Variants in C2CD5 observed in about 807,000 individuals in gnomAD.
C2CD5 encodes C2 domain-containing protein 5.
Under a neutral mutation model 130.3 loss-of-function variants are expected in C2CD5, and 109 were observed. The observed-to-expected ratio is 0.84, with a 90% confidence interval of 0.72 to 0.98. The LOEUF is 0.98. Among genes scored for constraint, C2CD5 ranks in the 50% least tolerant of loss-of-function variants. C2CD5 has a pLI of 0.00. For synonymous variants in C2CD5, 454 were observed against 429.2 expected (o/e 1.06, Z -0.71); for missense variants, 996 against 1,261.8 (o/e 0.79, Z 3.19).
chr12:22,515,676 T>G (rs1199019907), intron 8 of C2CD5, among the ~76,000 whole-genome samples: 3 of 152,152 alleles, frequency 2.0e-5, no homozygotes, highest in Admixed American at 2.0e-4. Flanking sequence ...GTTGTCAGTA[T>G]TAATTTTAAT....
chr12:22,524,962 T>G (rs534256829), intron 5 of C2CD5, among the ~76,000 whole-genome samples: 7 of 111,994 alleles, frequency 6.3e-5, no homozygotes, highest in Admixed American at 1.5e-4. Flanking sequence ...AGCTAATTAT[T>G]ATATAAATAG....
chr12:22,468,884 C>T (rs1942535895), intron 22 of C2CD5, among the ~76,000 whole-genome samples: 1 of 151,882 alleles, frequency 6.6e-6, no homozygotes, highest in Admixed American at 6.6e-5. Context: ...TATCAAATAA[C>T]AAGTAGGAAT....
At chr12:22,543,722 G>C (rs758477388) in intron 2 of C2CD5, among the ~76,000 whole-genome samples, 3 of 152,070 alleles carry the variant, frequency 2.0e-5, no homozygotes, top group Non-Finnish European at 4.4e-5. Context: ...GTGTGTGTGT[G>C]TGTATGTGTG....
chr12:22,527,935 T>A, intron 3 of C2CD5, 43 bp from the exon 4 acceptor site: 1 of 1,275,096 alleles, frequency 7.8e-7, no homozygotes, highest in Non-Finnish European at 1.1e-6. Context: ...AGTTTTTAAA[T>A]CTTAATTACC....
chr12:22,485,365 A>G (rs1945342696), intron 12 of C2CD5, among the ~76,000 whole-genome samples: 2 of 152,062 alleles, frequency 1.3e-5, no homozygotes. Flanking sequence ...AAAAAAATAG[A>G]AAGAATGAAT....
At chr12:22,518,334 GA>G (rs1949959484) in intron 7 of C2CD5, among the ~76,000 whole-genome samples, 197 bp from the exon 8 acceptor site, 1 of 152,018 alleles carries the variant, frequency 6.6e-6, no homozygotes, top group Non-Finnish European at 1.5e-5. Context: ...TATCTGCATT[GA>G]AACAGTTAAT....
Position 22,448,972 on chromosome 12 carries a change from T to C in C2CD5, c.*788A>G, listed in dbSNP as rs950305524. ...TTAGGAAATAATTTTATGTTCCTAC[T>C]AAGTCAACTGCATTTTTACTACTTT... On this transcript the variant is annotated 3_prime_UTR_variant, in exon 27 of 27. Coordinates refer to ENST00000446597, the MANE Select transcript of C2CD5 (RefSeq NM_001286176.2). The C allele has an allele frequency of 1.3e-5, 2 of 152,480 alleles. No individual in the cohort carries two copies. The highest frequency in any genetic ancestry group is 4.8e-5 in the African/African-American group (2 of 41,470). The allele number at this position is 152,480 out of a possible 1,614,324, so 9.4% of individuals were successfully genotyped here.
intron 7 of C2CD5, among the ~76,000 whole-genome samples, chr12:22,519,823 A>T (rs1950107462): frequency 2.0e-5 from 3 of 152,152 alleles, no homozygotes; most frequent in Admixed American, 6.5e-5. Flanking sequence ...ATATTCCAGT[A>T]TTTCAATACA....
intron 22 of C2CD5, among the ~76,000 whole-genome samples, chr12:22,467,837 C>T (rs1332855511): frequency 1.3e-5 from 2 of 152,134 alleles, no homozygotes; most frequent in Non-Finnish European, 2.9e-5. Flanking sequence ...CGTATAGTAA[C>T]GATCACATAA....
chr12:22,531,464 T>C (rs552483613), intron 3 of C2CD5, among the ~76,000 whole-genome samples: 1 of 151,942 alleles, frequency 6.6e-6, no homozygotes, highest in African/African-American at 2.4e-5. Context: ...GAGTTGAGAG[T>C]GCGGAAATAA....
At chr12:22,457,464 G>T (rs1358606882) in intron 24 of C2CD5, among the ~76,000 whole-genome samples, 3 of 152,136 alleles carry the variant, frequency 2.0e-5, no homozygotes, top group Non-Finnish European at 2.9e-5. Context: ...AAAAGCGGCT[G>T]AGCATTAAAA....
intron 7 of C2CD5, among the ~76,000 whole-genome samples, chr12:22,521,644 T>G (rs1034971204): frequency 6.6e-6 from 1 of 152,336 alleles, no homozygotes; most frequent in Admixed American, 6.5e-5. Flanking sequence ...AATTCTTATC[T>G]TTCTAGGAGA....
chr12:22,536,645 T>C (rs1565816047), intron 2 of C2CD5, among the ~76,000 whole-genome samples: 3 of 152,150 alleles, frequency 2.0e-5, no homozygotes, highest in African/African-American at 7.2e-5. Context: ...AAAAATGTGA[T>C]ATAGATATAC....
intron 2 of C2CD5, among the ~76,000 whole-genome samples, chr12:22,543,422 C>T (rs1274279922): frequency 6.6e-6 from 1 of 152,240 alleles, no homozygotes; most frequent in Non-Finnish European, 1.5e-5. Context: ...ACCTACCAGC[C>T]TATACAAGAG....
chr12:22,528,533 A>G (rs1950930902), intron 3 of C2CD5, among the ~76,000 whole-genome samples: 1 of 152,198 alleles, frequency 6.6e-6, no homozygotes, highest in African/African-American at 2.4e-5. Context: ...CACCTTCTGG[A>G]TATCATGCCA....
At chr12:22,474,024 C>T (rs1943453733) in intron 16 of C2CD5, among the ~76,000 whole-genome samples, 1 of 152,136 alleles carries the variant, frequency 6.6e-6, no homozygotes, top group African/African-American at 2.4e-5. Context: ...GCCACTGGCA[C>T]CGTTCCTGAC....
intron 18 of C2CD5, 29 bp downstream of exon 18, chr12:22,472,257 G>A (rs1205105292): frequency 7.6e-7 from 1 of 1,307,518 alleles, no homozygotes; most frequent in Non-Finnish European, 1.1e-6. Flanking sequence ...TATGTGTTAT[G>A]TGCTTAAAAT....
intron 10 of C2CD5, among the ~76,000 whole-genome samples, chr12:22,504,750 T>A (rs1272418861): frequency 1.3e-5 from 2 of 152,184 alleles, no homozygotes; most frequent in Non-Finnish European, 2.9e-5. Context: ...TAGCCTTGGG[T>A]CACAAGGGTG....
rs1939283019 is a variant in C2CD5, at chr12:22,454,104, C to T, written c.2878-62G>A. 7.8e-6 allele frequency: 10 copies of T among 1,276,034 alleles called. No individual in the cohort carries two copies. The South Asian group carries it at 9.3e-5, about 12-fold the overall frequency. The allele number at this position is 1,276,034 out of a possible 1,614,324, so 79.0% of individuals were successfully genotyped here. On this transcript the variant is annotated intron_variant, in intron 25 of 26. Transcript: ENST00000446597. Reference sequence around the variant, plus strand: ...ACATGTGTATGGATATAGGAATGCACACAAAATGTCAAAGAATATATATTA... The same window carrying T: ...ACATGTGTATGGATATAGGAATGCATACAAAATGTCAAAGAATATATATTA...
Sources: gnomAD v4.1 joint callset for allele counts (sites outside exome capture counted in the v4.1 genomes callset) on GRCh38, gnomAD v4.1.1 for gene constraint, MANE v1.5 for transcripts, NCBI Gene and HGNC (gene_info 2026-07-23, HGNC 2026-07-21) for gene names.